SEPTIN9: variants seen among roughly 807,000 people sequenced by gnomAD.
The protein encoded by SEPTIN9 is septin 9, also known as septin-9.
SEPTIN9 carries 13 observed loss-of-function variants against 56.6 expected under a neutral mutation model. The observed-to-expected ratio is 0.23, with a 90% confidence interval of 0.15 to 0.37. SEPTIN9 has a LOEUF of 0.37. SEPTIN9 is among the 10% of genes least tolerant of loss of function. The pLI is 1.00. For missense variants in SEPTIN9, 650 were observed against 823.1 expected, an observed-to-expected ratio of 0.79 and a Z score of 2.57; for synonymous variants, 332 against 334.1, an observed-to-expected ratio of 0.99 and a Z score of 0.07.
At chr17:77,384,853 A>G (rs1019440948) in intron 2 of SEPTIN9, among the ~76,000 whole-genome samples, 2 of 130,462 alleles carry the variant, frequency 1.5e-5, no homozygotes, top group African/African-American at 5.8e-5. Context: ...ACACACACAC[A>G]CACACACACA....
intron 3 of SEPTIN9, among the ~76,000 whole-genome samples, chr17:77,414,660 C>G (rs1360237503): frequency 1.3e-5 from 2 of 151,218 alleles, no homozygotes; most frequent in East Asian, 3.9e-4. Context: ...TCACTGCAAC[C>G]TCCACCTCCC....
At chr17:77,384,459 C>G (rs191701375) in intron 2 of SEPTIN9, among the ~76,000 whole-genome samples, 325 of 151,712 alleles carry the variant, frequency 2.1e-3, no homozygotes, top group African/African-American at 7.5e-3. Flanking sequence ...CTGGCAACTC[C>G]GAGTCCCTAG....
In SEPTIN9 at chr17:77,413,087, C is replaced by CGTGTGT. The variant is rs3047410; in HGVS notation, c.721+10414_721+10419dup. On this transcript the variant is annotated intron_variant, in intron 3 of 11. Coordinates refer to ENST00000427177, the MANE Select transcript of SEPTIN9 (RefSeq NM_001113491.2). ...CGAGCTTGGTCTGGAGCGGGTGGGG[C>CGTGTGT]GTGTGTGTGTGTGTGTGTGTGTGTG... 3.6e-3 allele frequency among the ~76,000 whole-genome samples: 517 copies of CGTGTGT among 144,024 alleles called. 3 individuals are homozygous for CGTGTGT. The highest frequency in any genetic ancestry group is 0.023 in the East Asian group (111 of 4,766). The allele number at this position is 144,024 out of a possible 152,430, so 94.5% of individuals were successfully genotyped here.
At chr17:77,376,344 G>T in intron 2 of SEPTIN9, 1 of 985,668 alleles carries the variant, frequency 1.0e-6, no homozygotes. Context: ...GCAGCGCCGT[G>T]GGAGCACAGG....
chr17:77,424,062 T>C (rs1178489868), intron 3 of SEPTIN9, among the ~76,000 whole-genome samples: 1 of 152,234 alleles, frequency 6.6e-6, no homozygotes, highest in African/African-American at 2.4e-5. Context: ...GAGGCTGTCA[T>C]TCCACCCCTC....
Position 77,486,459 on chromosome 17 carries a change from T to C in SEPTIN9, c.914-965T>C, listed in dbSNP as rs546191017. ...TAGCCCAAGGCAGCTCTGTGCAGGG[T>C]AAAGCAATGGGGCTCCGAGTCTGGA... is the stretch of plus-strand genomic sequence containing the variant. On this transcript the variant is annotated intron_variant, in intron 4 of 11. Coordinates refer to ENST00000427177, the MANE Select transcript of SEPTIN9 (RefSeq NM_001113491.2). Among the ~76,000 whole-genome samples the C allele has an allele frequency of 2.1e-3, 321 of 151,066 alleles. 2 individuals are homozygous for C. Among genetic ancestry groups the C allele is most frequent in the African/African-American group, 5.3e-3 (218 of 40,912 alleles).
chr17:77,335,518 C>G (rs2033516936), intron 2 of SEPTIN9, among the ~76,000 whole-genome samples: 1 of 148,286 alleles, frequency 6.7e-6, no homozygotes, highest in Non-Finnish European at 1.5e-5. Context: ...ATATGTAGTC[C>G]TATATTAGTA....
chr17:77,376,267 G>A (rs1310199862), intron 2 of SEPTIN9: 3 of 986,056 alleles, frequency 3.0e-6, no homozygotes, highest in Non-Finnish European at 3.6e-6. Context: ...CGGAGGGCCA[G>A]GCATGCCCGC....
intron 4 of SEPTIN9, among the ~76,000 whole-genome samples, chr17:77,484,648 G>C (rs978967228): frequency 6.7e-5 from 10 of 148,774 alleles, no homozygotes; most frequent in Non-Finnish European, 1.5e-4. Context: ...TTGTGATGGG[G>C]GTGGTGGTGG....
intron 3 of SEPTIN9, chr17:77,454,476 A>G (rs1021115416): frequency 1.4e-6 from 1 of 701,100 alleles, no homozygotes; most frequent in African/African-American, 1.9e-5. Context: ...TTGATGAGGA[A>G]TTGGCTGGGA....
At chr17:77,439,698 A>G (rs1415266187) in intron 3 of SEPTIN9, among the ~76,000 whole-genome samples, 1 of 152,102 alleles carries the variant, frequency 6.6e-6, no homozygotes, top group African/African-American at 2.4e-5. Context: ...GCTTCATGGC[A>G]CTTTATGACC....
intron 3 of SEPTIN9, among the ~76,000 whole-genome samples, chr17:77,418,094 C>G (rs1424328693): frequency 1.3e-5 from 2 of 152,206 alleles, no homozygotes; most frequent in Non-Finnish European, 2.9e-5. Flanking sequence ...CGTTGCGGCA[C>G]CTTACAGCCC....
chr17:77,410,146 T>C (rs2036241649), intron 3 of SEPTIN9, among the ~76,000 whole-genome samples: 1 of 152,082 alleles, frequency 6.6e-6, no homozygotes, highest in East Asian at 1.9e-4. Flanking sequence ...CTTCCCGTTC[T>C]CTCTGAACAC....
At chr17:77,403,052 G>A (rs2035956040) in intron 3 of SEPTIN9, among the ~76,000 whole-genome samples, 1 of 152,124 alleles carries the variant, frequency 6.6e-6, no homozygotes. Flanking sequence ...GAGGAGCCAC[G>A]CAGGAACCAG....
At chr17:77,497,816 G>A (rs62077405) in intron 11 of SEPTIN9, among the ~76,000 whole-genome samples, 1 of 151,976 alleles carries the variant, frequency 6.6e-6, no homozygotes, top group Non-Finnish European at 1.5e-5. Flanking sequence ...GATGGAGAGG[G>A]TGCTGGGTGG....
chr17:77,403,900 C>A (rs1211035766), intron 3 of SEPTIN9, among the ~76,000 whole-genome samples: 1 of 152,208 alleles, frequency 6.6e-6, no homozygotes, highest in Admixed American at 6.5e-5. Context: ...TCCTCCCAAA[C>A]TGAGCTCCGT....
At chr17:77,283,910 AG>A (rs578168573) in intron 1 of SEPTIN9, among the ~76,000 whole-genome samples, 139 of 152,326 alleles carry the variant, frequency 9.1e-4, no homozygotes, top group African/African-American at 3.2e-3. Context: ...ACCGGGAGTC[AG>A]GATGAGGGCG....
chr17:77,366,771 C>T (rs2034583498), intron 2 of SEPTIN9, among the ~76,000 whole-genome samples: 1 of 152,172 alleles, frequency 6.6e-6, no homozygotes, highest in South Asian at 2.1e-4. Context: ...TGGGGAACTC[C>T]AAGCTGATTC....
chr17:77,475,199 T>A lies in SEPTIN9; in HGVS notation c.722-6945T>A. The stretch of plus-strand genomic sequence containing the variant: ...GAGGTGTCTGGCTTCACAAACCCTG[T>A]GTGGGGGGGTTGTGGTGAGAGGAAA... On this transcript the variant is annotated intron_variant, in intron 3 of 11. Transcript: ENST00000427177. The surrounding 1 kb of genome is among the most constrained non-coding windows in gnomAD (Gnocchi z 4.6). 1 of 1,209,352 alleles carries A rather than the reference T, an allele frequency of 8.3e-7. No homozygotes were observed. The highest frequency in any genetic ancestry group is 1.0e-6 in the Non-Finnish European group (1 of 966,438). 74.9% of individuals were successfully genotyped at this position (1,209,352 alleles called of 1,614,324 possible). A position where few individuals can be genotyped will look rare whatever the true frequency, so the allele number is the denominator to read the frequency against.
Sources: allele counts gnomAD v4.1 joint callset (sites outside exome capture counted in the v4.1 genomes callset), GRCh38; gene constraint gnomAD v4.1.1; non-coding constraint Gnocchi (gnomAD v3.1); transcripts MANE v1.5; gene names NCBI Gene and HGNC (gene_info 2026-07-23, HGNC 2026-07-21).